Variants in FRMD4A observed in about 807,000 individuals in gnomAD.
The protein encoded by FRMD4A is FERM domain-containing protein 4A.
FRMD4A carries 29 observed loss-of-function variants against 129.1 expected under a neutral mutation model. The observed-to-expected ratio is 0.22, with a 90% CI of 0.17 to 0.31. The LOEUF (loss-of-function observed/expected upper bound fraction) is 0.31. Among genes scored for constraint, FRMD4A ranks in the 10% least tolerant of loss-of-function variants. The pLI is 1.00. For synonymous variants in FRMD4A, 634 were observed against 571.6 expected, an observed-to-expected ratio of 1.11 and a Z score of -1.56; for missense variants, 1,272 against 1,375.8, an observed-to-expected ratio of 0.92 and a Z score of 1.19.
At chr10:14,182,055 C>A (rs946597397) in intron 2 of FRMD4A, among the ~76,000 whole-genome samples, 8 of 152,318 alleles carry the variant, frequency 5.3e-5, no homozygotes, top group Admixed American at 3.9e-4. Context: ...GGACAAACCA[C>A]TTTCAAAAGC....
chr10:14,145,480 C>T (rs1840031446), intron 2 of FRMD4A, among the ~76,000 whole-genome samples: 1 of 152,150 alleles, frequency 6.6e-6, no homozygotes, highest in Non-Finnish European at 1.5e-5. Flanking sequence ...AAGATAGACC[C>T]AGGCTGGGGG....
chr10:14,104,145 C>T (rs148437395), intron 2 of FRMD4A, among the ~76,000 whole-genome samples: 106 of 152,062 alleles, frequency 7.0e-4, no homozygotes, highest in African/African-American at 1.0e-3. Flanking sequence ...ATTGAGGTTA[C>T]GCTGCCATTG....
chr10:14,315,481 G>A (rs960218382), intron 2 of FRMD4A, among the ~76,000 whole-genome samples: 7 of 152,176 alleles, frequency 4.6e-5, no homozygotes, highest in African/African-American at 1.7e-4. Context: ...ATCAACTGCT[G>A]ATTTCACCTA....
chr10:14,212,531 T>G (rs1010445616), intron 2 of FRMD4A, among the ~76,000 whole-genome samples: 1 of 152,108 alleles, frequency 6.6e-6, no homozygotes, highest in African/African-American at 2.4e-5. Context: ...CGCTGCCAGC[T>G]CAGCTCTCCC....
intron 19 of FRMD4A, among the ~76,000 whole-genome samples, chr10:13,662,977 G>A (rs371490716): frequency 3.9e-5 from 6 of 152,116 alleles, no homozygotes; most frequent in South Asian, 2.1e-4. Flanking sequence ...TTGGGAGGCC[G>A]AGGTGGGTGG....
chr10:14,169,327 T>C (rs1336802190), intron 2 of FRMD4A, among the ~76,000 whole-genome samples: 1 of 152,206 alleles, frequency 6.6e-6, no homozygotes, highest in Admixed American at 6.5e-5. Flanking sequence ...CCATCCCTAG[T>C]GTAAGAACAT....
intron 14 of FRMD4A, among the ~76,000 whole-genome samples, chr10:13,700,007 G>C (rs936983975): frequency 1.3e-5 from 2 of 152,152 alleles, no homozygotes; most frequent in African/African-American, 4.8e-5. Context: ...TAGAGGACAA[G>C]ATATTTTACA....
chr10:14,050,135 C>T (rs1834191014), intron 2 of FRMD4A, among the ~76,000 whole-genome samples: 1 of 152,186 alleles, frequency 6.6e-6, no homozygotes, highest in African/African-American at 2.4e-5. Context: ...ATTCTTCTCA[C>T]TGAGTTATCG....
At chr10:14,293,711 T>C (rs1845920451) in intron 2 of FRMD4A, among the ~76,000 whole-genome samples, 4 of 152,152 alleles carry the variant, frequency 2.6e-5, no homozygotes, top group Admixed American at 2.6e-4. Flanking sequence ...ACTCAAGTTT[T>C]GTTTATTCTC....
chr10:14,115,261 C>A (rs550861875), intron 2 of FRMD4A, among the ~76,000 whole-genome samples: 1 of 152,226 alleles, frequency 6.6e-6, no homozygotes, highest in Non-Finnish European at 1.5e-5. Context: ...CTGCCTTGCA[C>A]GCTGCAGGTA....
rs566860028 is a variant in FRMD4A, at chr10:14,233,318, C to G, written c.45+96740G>C. ...GGAGCAGTGGCTCACACCTGTTATC[C>G]CAACACTTTGGGAGGCCGAGGAGGG... On this transcript the variant is annotated intron_variant, in intron 2 of 24. Coordinates refer to ENST00000357447, the MANE Select transcript of FRMD4A (RefSeq NM_018027.5). 4.6e-5 allele frequency among the ~76,000 whole-genome samples: 7 copies of G among 152,292 alleles called. No homozygotes were observed. The South Asian group carries it at 1.2e-3, about 27-fold the overall frequency.
At chr10:14,015,949 C>A (rs1329279233) in intron 2 of FRMD4A, among the ~76,000 whole-genome samples, 3 of 152,198 alleles carry the variant, frequency 2.0e-5, no homozygotes, top group Non-Finnish European at 2.9e-5. Flanking sequence ...GCTCCAGTGT[C>A]CATTGACCGC....
chr10:13,943,052 G>C (rs1371931504), intron 2 of FRMD4A, among the ~76,000 whole-genome samples: 3 of 152,190 alleles, frequency 2.0e-5, no homozygotes, highest in Non-Finnish European at 4.4e-5. Flanking sequence ...GTGGTTCATA[G>C]ATTATAAAAT....
At chr10:14,228,395 T>C (rs958346099) in intron 2 of FRMD4A, among the ~76,000 whole-genome samples, 4 of 152,214 alleles carry the variant, frequency 2.6e-5, no homozygotes, top group Non-Finnish European at 4.4e-5. Flanking sequence ...ATTAATAATG[T>C]TCCCATTGAC....
chr10:14,051,680 G>T (rs190929294), intron 2 of FRMD4A, among the ~76,000 whole-genome samples: 219 of 152,316 alleles, frequency 1.4e-3, no homozygotes, highest in African/African-American at 4.9e-3. Context: ...GGTTGGCCCT[G>T]GGAGAGAGAG....
chr10:13,727,965 G>C (rs1284131245), intron 12 of FRMD4A: 2 of 152,168 alleles, frequency 1.3e-5, no homozygotes, highest in African/African-American at 4.8e-5. Flanking sequence ...TGTAAGCTCT[G>C]TGCATGCAGG....
chr10:13,930,829 G>C (rs1454291298), intron 2 of FRMD4A, among the ~76,000 whole-genome samples: 1 of 151,412 alleles, frequency 6.6e-6, no homozygotes, highest in Non-Finnish European at 1.5e-5. Context: ...TAAAATTTTA[G>C]CTTATTTGTT....
intron 2 of FRMD4A, among the ~76,000 whole-genome samples, chr10:14,262,573 C>T (rs373809219): frequency 1.1e-4 from 16 of 152,176 alleles, no homozygotes; most frequent in African/African-American, 3.6e-4. Flanking sequence ...TGGGGCTAAA[C>T]TGCGCTCACC....
chr10:13,732,536 G>A (rs1419698923), intron 12 of FRMD4A, among the ~76,000 whole-genome samples: 2 of 152,212 alleles, frequency 1.3e-5, no homozygotes, highest in South Asian at 2.1e-4. Flanking sequence ...TTGGTGCAAC[G>A]TGACAGAGCC....
Sources: allele counts gnomAD v4.1 joint callset (sites outside exome capture counted in the v4.1 genomes callset), GRCh38; gene constraint gnomAD v4.1.1; transcripts MANE v1.5; gene names NCBI Gene and HGNC (gene_info 2026-07-23, HGNC 2026-07-21).